The following OPHN1 variants were observed in gnomAD, a reference collection of about 807,000 sequenced individuals.
OPHN1 encodes oligophrenin 1.
Under a neutral mutation model 60.7 loss-of-function variants are expected in OPHN1, and 11 were observed. The observed-to-expected ratio is 0.18, with a 90% CI of 0.11 to 0.30. OPHN1 has a LOEUF of 0.30. Among genes scored for constraint, OPHN1 ranks in the 10% least tolerant of loss-of-function variants. The pLI, the probability that OPHN1 is intolerant of heterozygous loss-of-function variation, is 1.00. For missense variants in OPHN1, 449 were observed against 611.0 expected (o/e 0.73, Z 2.80); for synonymous variants, 226 against 222.6 (o/e 1.02, Z -0.14).
intron 15 of OPHN1, among the ~76,000 whole-genome samples, chrX:68,124,860 C>G (rs755079309): frequency 9.0e-6 from 1 of 111,058 alleles, no homozygotes; most frequent in Non-Finnish European, 1.9e-5. Flanking sequence ...GTTACCCAGG[C>G]TGGTCTTGAA....
intron 15 of OPHN1, among the ~76,000 whole-genome samples, chrX:68,123,057 T>C (rs1284446127): frequency 9.1e-6 from 1 of 109,441 alleles, no homozygotes; most frequent in African/African-American, 3.3e-5. Flanking sequence ...AGATCAAGGA[T>C]AAAAAAAGGA....
chrX:68,062,448 T>C (rs775597213), intron 21 of OPHN1, among the ~76,000 whole-genome samples: 1 of 112,431 alleles, frequency 8.9e-6, no homozygotes, highest in African/African-American at 3.2e-5. Flanking sequence ...ATTTCCTTTT[T>C]AATTCCAAAC....
In OPHN1 at chrX:68,419,261, G is replaced by A. The variant is rs138640011; in HGVS notation, c.154+13606C>T. ...ACTCCTGACCTCAAGTGATCTGCCC[G>A]CCTCGGCCTCCCAAAGTGCTGGGAT... On this transcript the variant is annotated intron_variant, in intron 2 of 24. Coordinates refer to ENST00000355520, the MANE Select transcript of OPHN1 (RefSeq NM_002547.3). Among the ~76,000 whole-genome samples the A allele has an allele frequency of 1.1e-3, 123 of 108,506 alleles. 1 individual carries two copies. In the East Asian group the frequency reaches 0.035, roughly 31 times the overall value. The allele number at this position is 108,506 out of a possible 115,157, so 94.2% of individuals were successfully genotyped here.
intron 2 of OPHN1, among the ~76,000 whole-genome samples, chrX:68,300,974 T>A (rs969821622): frequency 3.6e-5 from 4 of 111,840 alleles, no homozygotes; most frequent in Non-Finnish European, 5.6e-5. Context: ...TCTCTTCTTT[T>A]CTCCAGACTC....
At chrX:68,347,094 T>G (rs1034180245) in intron 2 of OPHN1, among the ~76,000 whole-genome samples, 4 of 111,610 alleles carry the variant, frequency 3.6e-5, no homozygotes, top group Non-Finnish European at 7.5e-5. Flanking sequence ...CTTGTGGCCC[T>G]GCCTAATATA....
chrX:68,078,511 C>A (rs1328445324), intron 19 of OPHN1, among the ~76,000 whole-genome samples: 1 of 111,685 alleles, frequency 9.0e-6, no homozygotes, highest in Admixed American at 9.5e-5. Flanking sequence ...GTCCATCCAA[C>A]AATCTCTTCC....
At chrX:68,060,991 G>C (rs1380812507) in intron 21 of OPHN1, among the ~76,000 whole-genome samples, 2 of 111,839 alleles carry the variant, frequency 1.8e-5, no homozygotes, top group African/African-American at 6.5e-5. Context: ...GGAGCAAGGA[G>C]GAAGTAAGAA....
At chrX:68,160,955 G>A (rs1221897292) in intron 15 of OPHN1, among the ~76,000 whole-genome samples, 2 of 109,932 alleles carry the variant, frequency 1.8e-5, no homozygotes, top group East Asian at 2.8e-4. Context: ...CATAATTAAC[G>A]AAATATGAAA....
In OPHN1 at chrX:68,046,070, TG is replaced by T. The variant is rs1433537456; in HGVS notation, c.*1101del. ...TATTTTACTCAAGTGCTGTGGTTCT[TG>T]ACTTTTTTGGGTCACGAGCCCATTT... On this transcript the variant is annotated 3_prime_UTR_variant, in exon 25 of 25. Coordinates refer to ENST00000355520, the MANE Select transcript of OPHN1 (RefSeq NM_002547.3). 1 of 98,481 alleles carries T rather than the reference TG, an allele frequency of 1.0e-5. No homozygotes were observed. Among genetic ancestry groups the T allele is most frequent in the African/African-American group, 3.8e-5 (1 of 26,401 alleles). 8.1% of individuals were successfully genotyped at this position (98,481 alleles called of 1,213,427 possible).
chrX:68,106,539 T>C (rs1468148195), intron 18 of OPHN1, among the ~76,000 whole-genome samples: 2 of 111,821 alleles, frequency 1.8e-5, no homozygotes. Flanking sequence ...AATGGCAGAA[T>C]TAGGCCTGGA....
At chrX:68,257,275 T>C (rs990304673) in intron 5 of OPHN1, among the ~76,000 whole-genome samples, 1 of 112,511 alleles carries the variant, frequency 8.9e-6, no homozygotes, top group Non-Finnish European at 1.9e-5. Flanking sequence ...CAGTTAAGAA[T>C]ATGGAATTAC....
intron 2 of OPHN1, among the ~76,000 whole-genome samples, chrX:68,406,487 C>A (rs890843919): frequency 6.4e-5 from 7 of 109,950 alleles, no homozygotes; most frequent in African/African-American, 2.3e-4. Flanking sequence ...TGGCGGGCAC[C>A]TGTAATCCCA....
At chrX:68,217,447 T>A (rs963517630) in intron 6 of OPHN1, among the ~76,000 whole-genome samples, 7 of 112,285 alleles carry the variant, frequency 6.2e-5, no homozygotes, top group African/African-American at 2.3e-4. Flanking sequence ...GAGGCCTGCC[T>A]GCCTCTGTAG....
intron 12 of OPHN1, 22 bp downstream of exon 12, chrX:68,197,164 T>TC: frequency 8.6e-7 from 1 of 1,168,312 alleles, no homozygotes; most frequent in Non-Finnish European, 1.2e-6. Flanking sequence ...TGGGGAGGTT[T>TC]CCCCAGTGTC....
At chrX:68,394,388 A>G (rs770394696) in intron 2 of OPHN1, among the ~76,000 whole-genome samples, 1 of 111,289 alleles carries the variant, frequency 9.0e-6, no homozygotes, top group African/African-American at 3.3e-5. Flanking sequence ...GATAAGATTA[A>G]TTTCCCCTAA....
At chrX:68,176,929 T>A (rs939053603) in intron 15 of OPHN1, among the ~76,000 whole-genome samples, 6 of 108,310 alleles carry the variant, frequency 5.5e-5, no homozygotes, top group African/African-American at 2.0e-4. Context: ...CAAGTGTCTA[T>A]CCACAGAAGA....
intron 19 of OPHN1, among the ~76,000 whole-genome samples, chrX:68,088,704 T>A (rs774175764): frequency 1.8e-5 from 2 of 110,958 alleles, no homozygotes; most frequent in Non-Finnish European, 3.8e-5. Flanking sequence ...CAATGTACTA[T>A]GTACAAAGTA....
chrX:68,388,459 C>CAA (rs779652561), intron 2 of OPHN1, among the ~76,000 whole-genome samples: 7 of 60,844 alleles, frequency 1.2e-4, no homozygotes, highest in East Asian at 5.0e-4. Context: ...GACTCTGTCT[C>CAA]AAAAAAAAAA....
At chrX:68,133,901 G>T (rs185866387) in intron 15 of OPHN1, among the ~76,000 whole-genome samples, 133 of 111,475 alleles carry the variant, frequency 1.2e-3, no homozygotes, top group African/African-American at 4.3e-3. Context: ...TTGGCCGGGC[G>T]CTGTGGCTCA....
Sources: allele counts gnomAD v4.1 joint callset (sites outside exome capture counted in the v4.1 genomes callset), GRCh38; gene constraint gnomAD v4.1.1; transcripts MANE v1.5; gene names NCBI Gene and HGNC (gene_info 2026-07-23, HGNC 2026-07-21).